The following FTSJ3 variants were observed in gnomAD, a reference collection of about 807,000 sequenced individuals.
FTSJ3 encodes pre-rRNA 2'-O-ribose RNA methyltransferase FTSJ3.
In FTSJ3, 46 loss-of-function variants were observed where a neutral mutation model predicts 111.5. The observed-to-expected ratio is 0.41, with a 90% CI of 0.33 to 0.53. FTSJ3 has a LOEUF of 0.53. FTSJ3 is among the 20% of genes least tolerant of loss of function. The pLI is 0.19. For synonymous variants in FTSJ3, 408 were observed against 383.0 expected (o/e 1.07, Z -0.76); for missense variants, 1,075 against 1,063.8 (o/e 1.01, Z -0.15).
At position 63,824,391 on chromosome 17, in the gene FTSJ3, G is replaced by A. The variant is rs200921516; in HGVS notation, c.938C>T (p.Thr313Ile). ...KELRSLLNWR[T>I]KLRRYVAKKL... The stretch of plus-strand genomic sequence containing the variant: ...CTTGGCCACATATCGCCGAAGTTTT[G>A]TTCTCCAGTTTAGTAGCGACCTGCC... Residue 313 changes from threonine (T) to isoleucine (I), a missense_variant, in exon 11 of 21, where the codon ACA (threonine) becomes ATA (isoleucine). Physicochemically the swap from Thr to Ile is moderately conservative, Grantham distance 89 (BLOSUM62 -1). Transcript: ENST00000427159. The A allele has an allele frequency of 6.2e-7, 1 of 1,614,054 alleles. No homozygotes were observed. Among genetic ancestry groups the A allele is most frequent in the East Asian group, 2.2e-5 (1 of 44,888 alleles).
chr17:63,819,875 A>G lies in FTSJ3; in HGVS notation c.2471T>C (p.Val824Ala). 1 of 1,613,884 alleles carries G rather than the reference A, an allele frequency of 6.2e-7. No individual in the cohort carries two copies. The highest frequency in any genetic ancestry group is 8.5e-7 in the Non-Finnish European group (1 of 1,179,986). ...PAGVRGHFKV[V>A]DSRMKKDQRA... ...TTGGTCCTTCTTCATCCTTGAGTCC[A>G]CCACCTTGAAATGACCTCTGACTCC... Residue 824 changes from valine (V) to alanine (A), a missense_variant, in exon 21 of 21, where the codon GTG becomes GCG. This residue lies in a region of FTSJ3 where 867 missense variants were observed against 796.9 expected (regional missense o/e 1.09). Transcript: ENST00000427159.
chr17:63,822,004 C>G lies in FTSJ3; in HGVS notation c.1455G>C (p.Gln485His). ...CTTACCGCTTTTGGTCCCTTAGACCCTGATGTCCCCTGACTCCTGCCAGCT... is the reference window on the plus strand; with the variant it reads ...CTTACCGCTTTTGGTCCCTTAGACCGTGATGTCCCCTGACTCCTGCCAGCT... Reference protein sequence around the residue: ...PEELAGVRGHQGLRDQKRMRL... With the variant: ...PEELAGVRGHHGLRDQKRMRL... Residue 485 changes from glutamine (Q) to histidine (H), a missense_variant, in exon 14 of 21, where the codon CAG (glutamine) becomes CAC (histidine). Physicochemically the swap from Gln to His is conservative, Grantham distance 24 (BLOSUM62 0). Around this residue, in one of 2 missense-constraint regions of FTSJ3, gnomAD observed 867 missense variants for 796.9 expected, o/e 1.09. Coordinates refer to ENST00000427159, the MANE Select transcript of FTSJ3 (RefSeq NM_017647.4). The G allele has an allele frequency of 6.2e-7, 1 of 1,614,152 alleles. No homozygotes were observed. Among genetic ancestry groups the G allele is most frequent in the Non-Finnish European group, 8.5e-7 (1 of 1,180,018 alleles).
In FTSJ3 at chr17:63,826,751, G is replaced by A. The variant is rs911005564; in HGVS notation, c.68-79C>T. ...CTCGCAACCGACCACCCCTTCTGCA[G>A]GAGAGGTACATAATGGTCGCAAAGA... On this transcript the variant is annotated intron_variant, in intron 2 of 20. Transcript: ENST00000427159. 7.7e-5 allele frequency: 119 copies of A among 1,554,102 alleles called. No individual in the cohort carries two copies. In the East Asian group the frequency reaches 2.6e-3, roughly 34 times the overall value.
At position 63,823,853 on chromosome 17, in the gene FTSJ3, A is replaced by G; in HGVS notation, c.1254T>C (p.Thr418=). ...GGATGGTGCTCAAGGAGAACATGCC[A>G]GTCTCCCCCTCGTCTGCAATGGAAA... ...PGVSIADEGE[T]GMFSLSTIRG... is the part of the protein sequence containing the mutation. The change falls in exon 13 of 21, where the codon ACT becomes ACC. Residue 418 remains threonine, a synonymous_variant. Coordinates refer to ENST00000427159, the MANE Select transcript of FTSJ3 (RefSeq NM_017647.4). The G allele has an allele frequency of 6.2e-7, 1 of 1,614,086 alleles. No homozygotes were observed. Among genetic ancestry groups the G allele is most frequent in the Non-Finnish European group, 8.5e-7 (1 of 1,180,002 alleles).
Position 63,819,890 on chromosome 17 carries a change from C to T in FTSJ3, c.2456G>A (p.Gly819Asp), listed in dbSNP as rs759832303. 1.4e-5 allele frequency: 22 copies of T among 1,614,056 alleles called. No homozygotes were observed. Among genetic ancestry groups the T allele is most frequent in the Non-Finnish European group, 1.9e-5 (22 of 1,180,022 alleles). The change falls in exon 21 of 21, where the codon GGT (glycine) becomes GAT (aspartate). Residue 819 changes from glycine (G) to aspartate (D), a missense_variant. Gly to Asp is a moderately conservative substitution (Grantham distance 94, BLOSUM62 -1). Coordinates refer to ENST00000427159, the MANE Select transcript of FTSJ3 (RefSeq NM_017647.4). The part of the protein sequence containing the change: ...RKVRRPAGVR[G>D]HFKVVDSRMK... The stretch of plus-strand genomic sequence containing the variant: ...CCTTGAGTCCACCACCTTGAAATGA[C>T]CTCTGACTCCAGCTGGCCGGCGCAC...
chr17:63,822,691 G>T (rs768244297), intron 13 of FTSJ3, among the ~76,000 whole-genome samples: 2 of 152,214 alleles, frequency 1.3e-5, no homozygotes, highest in South Asian at 2.1e-4. Context: ...TTGGGAGGCT[G>T]AGGCAGGAGG....
chr17:63,825,790 C>A, intron 5 of FTSJ3, 155 bp from the exon 6 acceptor site: 1 of 665,042 alleles, frequency 1.5e-6, no homozygotes, highest in South Asian at 1.9e-5. Flanking sequence ...TATGTCTCTA[C>A]CTTCATGGAG....
In FTSJ3 at chr17:63,826,934, G is replaced by A; in HGVS notation, c.-26-6C>T. The A allele has an allele frequency of 6.3e-7, 1 of 1,582,682 alleles. No individual in the cohort carries two copies. Among genetic ancestry groups the A allele is most frequent in the South Asian group, 1.1e-5 (1 of 90,460 alleles). ...AAGGGGGAGTATCCCTCAATCTGGGGAGAAAGTAGAAGTTGGGAACGTCTC... is the reference window on the plus strand; with the variant it reads ...AAGGGGGAGTATCCCTCAATCTGGGAAGAAAGTAGAAGTTGGGAACGTCTC... On this transcript the variant is annotated splice_region_variant and splice_polypyrimidine_tract_variant and intron_variant, in intron 1 of 20. Transcript: ENST00000427159.
In FTSJ3 at chr17:63,827,101, C is replaced by G. The variant is rs1355058551; in HGVS notation, c.-76G>C. On this transcript the variant is annotated 5_prime_UTR_variant, in exon 1 of 21. Transcript: ENST00000427159. ...CACTTGGAACCGCACAAGTATGCAG[C>G]TAACTACTTCCGCTTCCGCTTGCGT... 8 of 539,974 alleles carry G rather than the reference C, an allele frequency of 1.5e-5. No individual in the cohort carries two copies. The highest frequency in any genetic ancestry group is 4.2e-4 in the Middle Eastern group (1 of 2,392). 33.4% of individuals were successfully genotyped at this position (539,974 alleles called of 1,614,324 possible). A position where few individuals can be genotyped will look rare whatever the true frequency, so the allele number is the denominator to read the frequency against.
rs974037226 is a variant in FTSJ3 at position 63,819,516 on chromosome 17, C to T, written c.*286G>A. On this transcript the variant is annotated 3_prime_UTR_variant, in exon 21 of 21. Transcript: ENST00000427159. ...CACACGTCCAGGTGTAGACTGACTA[C>T]ATTGAGTATCGCTCCAACACCGAAC... 3 of 370,936 alleles carry T rather than the reference C, an allele frequency of 8.1e-6. No individual in the cohort carries two copies. Among genetic ancestry groups the T allele is most frequent in the Non-Finnish European group, 9.8e-6 (2 of 204,092 alleles). 23.0% of individuals were successfully genotyped at this position (370,936 alleles called of 1,614,324 possible). A position where few individuals can be genotyped will look rare whatever the true frequency, so the allele number is the denominator to read the frequency against.
intron 13 of FTSJ3, among the ~76,000 whole-genome samples, chr17:63,823,374 T>A (rs1165763124): frequency 6.6e-6 from 1 of 152,152 alleles, no homozygotes; most frequent in Non-Finnish European, 1.5e-5. Context: ...GGTGGGCAGA[T>A]CACGAGGTCA....
rs367666557 is a variant in FTSJ3, at chr17:63,821,015, A to G, written c.1972+15T>C. 3.0e-4 allele frequency: 491 copies of G among 1,613,286 alleles called. 2 individuals carry two copies. Among genetic ancestry groups the G allele is most frequent in the Non-Finnish European group, 4.1e-4 (484 of 1,179,304 alleles). ...CAGTGGTCTTTTCTCATTCCACTGC[A>G]TACAGAGCTCTCACCTGGGTCCTCA... On this transcript the variant is annotated intron_variant, in intron 17 of 20. Transcript: ENST00000427159.
Position 63,825,310 on chromosome 17 carries a change from C to T in FTSJ3, c.527G>A (p.Arg176His), listed in dbSNP as rs202091645. The change falls in exon 7 of 21, where the codon CGC (arginine) becomes CAC (histidine). Residue 176 changes from arginine (R) to histidine (H), a missense_variant. Coordinates refer to ENST00000427159, the MANE Select transcript of FTSJ3 (RefSeq NM_017647.4). Reference protein sequence around the residue: ...PLLWIFQQLFRRVQATKPQAS... With the variant: ...PLLWIFQQLFHRVQATKPQAS... ...TTGGGGCTTGGTGGCCTGGACACGG[C>T]GGAACAGCTGCTGAAAGATCCATAG... is the stretch of plus-strand genomic sequence containing the variant. The T allele has an allele frequency of 2.2e-4, 354 of 1,613,998 alleles. 1 individual carries two copies. Among genetic ancestry groups the T allele is most frequent in the Non-Finnish European group, 2.9e-4 (339 of 1,180,024 alleles).
At chr17:63,823,604 AAAAAT>A (rs2040070048) in intron 13 of FTSJ3, 4 of 547,704 alleles carry the variant, frequency 7.3e-6, no homozygotes, top group Admixed American at 3.3e-5. Flanking sequence ...CAAAAAAAAA[AAAAAT>A]AAATCTATCA....
rs776067240 is a variant in FTSJ3, at chr17:63,820,333, A to T, written c.2178T>A (p.His726Gln). 8 of 1,613,760 alleles carry T rather than the reference A, an allele frequency of 5.0e-6. No homozygotes were observed. In the South Asian group the frequency reaches 8.8e-5, roughly 18 times the overall value. ...TGATTTCCCGCCAGCGTTTCCGGTA[A>T]TGCTCCACCTCCTTCTTACCAACAG... ...QLPVGKKEVE[H>Q]YRKRWREINA... Residue 726 changes from histidine to glutamine, a missense_variant, in exon 19 of 21, where the codon CAT becomes CAA. Transcript: ENST00000427159.
Position 63,824,086 on chromosome 17 carries a change from C to G in FTSJ3, c.1152G>C (p.Lys384Asn), listed in dbSNP as rs1272010665. The G allele has an allele frequency of 2.5e-6, 4 of 1,614,096 alleles. No individual in the cohort carries two copies. The highest frequency in any genetic ancestry group is 3.4e-6 in the Non-Finnish European group (4 of 1,180,050). Reference sequence around the variant, plus strand: ...AGCTCTACCCCAGCTCCTTTCACCTCTTCAATTCCGCCACCTCCTGGGCCT... The same window carrying G: ...AGCTCTACCCCAGCTCCTTTCACCTGTTCAATTCCGCCACCTCCTGGGCCT... ...EMKAQEVAEL[K>N]RKKKKLLREQ... The change falls in exon 12 of 21, where the codon AAG becomes AAC. Residue 384 changes from lysine to asparagine, a missense_variant and splice_region_variant. This residue lies in a region of FTSJ3 where 867 missense variants were observed against 796.9 expected (regional missense o/e 1.09). Transcript: ENST00000427159.
intron 14 of FTSJ3, 48 bp from the exon 15 acceptor site, chr17:63,821,891 G>T (rs2042976938): frequency 2.5e-6 from 4 of 1,613,806 alleles, no homozygotes; most frequent in Non-Finnish European, 3.4e-6. Flanking sequence ...AGATTGCCTG[G>T]AGCCCTTGCT....
chr17:63,820,316 C>T lies in FTSJ3; in HGVS notation c.2195G>A (p.Arg732Gln), dbSNP rs375272670. The T allele has an allele frequency of 9.3e-6, 15 of 1,613,230 alleles. No individual in the cohort carries two copies. In the Admixed American group the frequency reaches 1.7e-4, roughly 18 times the overall value. The change falls in exon 19 of 21, where the codon CGG becomes CAG. Residue 732 changes from arginine (R) to glutamine (Q), a missense_variant. Transcript: ENST00000427159. ...KEVEHYRKRW[R>Q]EINARPIKKV... ...CTTGATGGGACGTGCATTGATTTCCCGCCAGCGTTTCCGGTAATGCTCCAC... is the reference window on the plus strand; with the variant it reads ...CTTGATGGGACGTGCATTGATTTCCTGCCAGCGTTTCCGGTAATGCTCCAC...
At chr17:63,824,465 C>A in intron 10 of FTSJ3, 54 bp from the exon 11 acceptor site, 9 of 1,593,908 alleles carry the variant, frequency 5.6e-6, no homozygotes, top group Non-Finnish European at 7.7e-6. Flanking sequence ...GTCCCCGCCC[C>A]CTTCTGTTTT....
Sources: allele counts gnomAD v4.1 joint callset (sites outside exome capture counted in the v4.1 genomes callset), GRCh38; gene constraint gnomAD v4.1.1; regional missense constraint gnomAD v4.1.1; transcripts MANE v1.5; gene names NCBI Gene and HGNC (gene_info 2026-07-23, HGNC 2026-07-21).